HDGFL3: variants seen among roughly 807,000 people sequenced by gnomAD.
The protein encoded by HDGFL3 is HDGF like 3.
A neutral mutation model predicts 27.6 loss-of-function variants in HDGFL3; 6 were observed. That is an observed-to-expected ratio of 0.22 (90% CI 0.12 to 0.43). The LOEUF is 0.43. Among genes scored for constraint, HDGFL3 ranks in the 20% least tolerant of loss-of-function variants. HDGFL3 has a pLI of 1.00. For missense variants in HDGFL3, 207 were observed against 250.1 expected (o/e 0.83, Z 1.16); for synonymous variants, 88 against 88.9 (o/e 0.99, Z 0.05).
intron 5 of HDGFL3, among the ~76,000 whole-genome samples, chr15:83,149,857 AAAG>A (rs1380927821): frequency 2.6e-5 from 4 of 152,188 alleles, no homozygotes; most frequent in African/African-American, 9.7e-5. Flanking sequence ...AGCCAGTGGA[AAAG>A]AAGATGTGGT....
chr15:83,145,192 T>C (rs1596545682), intron 5 of HDGFL3, among the ~76,000 whole-genome samples: 1 of 152,106 alleles, frequency 6.6e-6, no homozygotes, highest in East Asian at 1.9e-4. Flanking sequence ...TTACTCTGGA[T>C]ACTATAAGAT....
At chr15:83,188,443 T>A (rs145151752) in intron 1 of HDGFL3, among the ~76,000 whole-genome samples, 1 of 152,112 alleles carries the variant, frequency 6.6e-6, no homozygotes, top group East Asian at 1.9e-4. Flanking sequence ...TTGGTAGAGA[T>A]GGGGTTTCAC....
chr15:83,144,702 A>C (rs1306024968), intron 5 of HDGFL3: 5 of 358,932 alleles, frequency 1.4e-5, no homozygotes, highest in Non-Finnish European at 2.7e-5. Flanking sequence ...TTGAGCCTTA[A>C]GATGATCTGA....
chr15:83,124,824 T>C (rs1321278773), downstream of HDGFL3: 1 of 1,423,970 alleles, frequency 7.0e-7, no homozygotes, highest in Non-Finnish European at 9.8e-7. Flanking sequence ...ACTACTCACA[T>C]TTCCAAATGG....
chr15:83,152,052 T>G (rs570014739), intron 4 of HDGFL3, among the ~76,000 whole-genome samples: 1 of 152,218 alleles, frequency 6.6e-6, no homozygotes, highest in South Asian at 2.1e-4. Flanking sequence ...ATTAAAATTA[T>G]AGAAAGCTGG....
At chr15:83,156,262 C>A (rs968320531) in intron 4 of HDGFL3, among the ~76,000 whole-genome samples, 1 of 152,184 alleles carries the variant, frequency 6.6e-6, no homozygotes, top group Non-Finnish European at 1.5e-5. Flanking sequence ...ATAAACTACA[C>A]GTTTTCAGAA....
chr15:83,207,298 G>A lies in HDGFL3; in HGVS notation c.84+33C>T. ...GCCATCATGAAGGGGAAAATGGTGG[G>A]CGGGCGGGCCCGCGCGCGGCCGCGG... On this transcript the variant is annotated intron_variant, in intron 1 of 5. Transcript: ENST00000299633. This position sits in a 1 kb window ranked among gnomAD's most constrained non-coding sequence, Gnocchi z 4.8. 3.8e-6 allele frequency: 5 copies of A among 1,310,824 alleles called. No individual in the cohort carries two copies. The South Asian group carries it at 1.0e-4, about 27-fold the overall frequency. The allele number at this position is 1,310,824 out of a possible 1,614,324, so 81.2% of individuals were successfully genotyped here.
At chr15:83,160,270 T>A (rs2037083309) in intron 2 of HDGFL3, among the ~76,000 whole-genome samples, 1 of 152,086 alleles carries the variant, frequency 6.6e-6, no homozygotes, top group South Asian at 2.1e-4. Context: ...CACTGCAACT[T>A]CCGACTCCCT....
chr15:83,152,690 A>C (rs1418367000), intron 4 of HDGFL3, among the ~76,000 whole-genome samples: 1 of 151,632 alleles, frequency 6.6e-6, no homozygotes, highest in East Asian at 1.9e-4. Flanking sequence ...CTCGAAAAAA[A>C]AAAAAAAAAC....
Position 83,194,143 on chromosome 15 carries a change from A to C in HDGFL3, c.84+13188T>G, listed in dbSNP as rs554510880. Among the ~76,000 whole-genome samples, 221 of 152,338 alleles carry C rather than the reference A, an allele frequency of 1.5e-3. 1 individual carries two copies. The highest frequency in any genetic ancestry group is 5.1e-3 in the African/African-American group (212 of 41,580). On this transcript the variant is annotated intron_variant, in intron 1 of 5. Transcript: ENST00000299633. The stretch of plus-strand genomic sequence containing the variant: ...TCATGTTCATAACAGCATCATTCAC[A>C]ATAACCAAAAGGTGAAAAAAACTCA...
chr15:83,201,454 T>C (rs897619904), intron 1 of HDGFL3, among the ~76,000 whole-genome samples: 1 of 152,140 alleles, frequency 6.6e-6, no homozygotes, highest in Non-Finnish European at 1.5e-5. Flanking sequence ...CTACATCAAG[T>C]GGGATGGATT....
At chr15:83,127,435 G>A (rs764543192), downstream of HDGFL3, 15 of 1,613,910 alleles carry the variant, frequency 9.3e-6, no homozygotes, top group Non-Finnish European at 1.3e-5. Flanking sequence ...GATGTTCCTG[G>A]ATGCCTGACA....
At chr15:83,124,783 A>G (rs779066184), downstream of HDGFL3, 17 of 1,592,222 alleles carry the variant, frequency 1.1e-5, no homozygotes, top group East Asian at 1.1e-4. Context: ...TTTGGTAAGC[A>G]TAACAGATCA....
At position 83,179,057 on chromosome 15, in the gene HDGFL3, T is replaced by G. The variant is rs767103345; in HGVS notation, c.85-14982A>C. The G allele has an allele frequency of 4.6e-5, 7 of 152,246 alleles. 1 individual carries two copies. The highest frequency in any genetic ancestry group is 1.0e-4 in the Non-Finnish European group (7 of 68,062). 9.4% of individuals were successfully genotyped at this position (152,246 alleles called of 1,614,324 possible). On this transcript the variant is annotated intron_variant, in intron 1 of 5. Coordinates refer to ENST00000299633, the MANE Select transcript of HDGFL3 (RefSeq NM_016073.4). ...GGCACAGTTCCTACTTATCCCCAAG[T>G]AGCAGGCTTCAGTTTCCTGCCAGTC...
chr15:83,164,500 T>C (rs1433268346), intron 1 of HDGFL3, among the ~76,000 whole-genome samples: 3 of 152,182 alleles, frequency 2.0e-5, no homozygotes, highest in South Asian at 2.1e-4. Flanking sequence ...TGATGAACTA[T>C]TATGCAGTCA....
At position 83,157,461 on chromosome 15, in the gene HDGFL3, T is replaced by C. The variant is rs1298167820; in HGVS notation, c.413A>G (p.Lys138Arg). Residue 138 changes from lysine to arginine, a missense_variant, in exon 4 of 6, where the codon AAG becomes AGG. Physicochemically the swap from Lys to Arg is conservative, Grantham distance 26. Coordinates refer to ENST00000299633, the MANE Select transcript of HDGFL3 (RefSeq NM_016073.4). Reference sequence around the variant, plus strand: ...CCGTTTTGAGCCTGCTTTTTCATTCTTTCTTTTGCCTTTTCCATCTTCTTC... The same window carrying C: ...CCGTTTTGAGCCTGCTTTTTCATTCCTTCTTTTGCCTTTTCCATCTTCTTC... The part of the protein sequence containing the change: ...RVEEDGKGKR[K>R]NEKAGSKRKK... 2 of 1,613,706 alleles carry C rather than the reference T, an allele frequency of 1.2e-6. No individual in the cohort carries two copies. Among genetic ancestry groups the C allele is most frequent in the South Asian group, 1.1e-5 (1 of 91,064 alleles).
At chr15:83,178,451 C>T (rs1376057150) in intron 1 of HDGFL3, among the ~76,000 whole-genome samples, 2 of 152,094 alleles carry the variant, frequency 1.3e-5, no homozygotes, top group South Asian at 4.1e-4. Flanking sequence ...TTTAAATAAA[C>T]AAAAGTTCCT....
intron 1 of HDGFL3, among the ~76,000 whole-genome samples, chr15:83,165,810 A>G (rs975635390): frequency 1.5e-4 from 22 of 150,418 alleles, no homozygotes; most frequent in African/African-American, 4.6e-4. Flanking sequence ...AAAAAAAAAA[A>G]AAAAAAAAAA....
At chr15:83,127,304 C>G (rs559877216), downstream of HDGFL3, 32 of 1,481,676 alleles carry the variant, frequency 2.2e-5, no homozygotes, top group East Asian at 8.0e-4. Flanking sequence ...ACTTTTTAGT[C>G]AGGCCAAGTT....
Sources: allele counts gnomAD v4.1 joint callset (sites outside exome capture counted in the v4.1 genomes callset), GRCh38; gene constraint gnomAD v4.1.1; non-coding constraint Gnocchi (gnomAD v3.1); transcripts MANE v1.5; gene names NCBI Gene and HGNC (gene_info 2026-07-23, HGNC 2026-07-21).